The following NIBAN1 variants were observed in gnomAD, a reference collection of about 807,000 sequenced individuals.
NIBAN1 encodes niban apoptosis regulator 1.
Under a neutral mutation model 75.1 loss-of-function variants are expected in NIBAN1, and 81 were observed. The observed-to-expected ratio is 1.08, with a 90% CI of 0.90 to 1.30. The LOEUF is 1.30. NIBAN1 is among the 50% of genes most tolerant of loss of function. The pLI is 0.00. For synonymous variants in NIBAN1, 436 were observed against 424.8 expected (o/e 1.03, Z -0.32); for missense variants, 1,133 against 1,128.1 (o/e 1.00, Z -0.06).
chr1:184,799,939 G>A (rs1283597093), intron 12 of NIBAN1, among the ~76,000 whole-genome samples: 2 of 97,982 alleles, frequency 2.0e-5, no homozygotes, highest in Admixed American at 9.4e-5. Context: ...TAGAGACGGG[G>A]TTTCACCGTG....
chr1:184,963,505 C>G (rs1439455527), intron 1 of NIBAN1, among the ~76,000 whole-genome samples: 1 of 151,966 alleles, frequency 6.6e-6, no homozygotes, highest in African/African-American at 2.4e-5. Context: ...TACATGCACA[C>G]AAAAAATCAG....
chr1:184,874,919 C>G (rs1656194799), intron 5 of NIBAN1, among the ~76,000 whole-genome samples: 1 of 151,920 alleles, frequency 6.6e-6, no homozygotes, highest in Admixed American at 6.6e-5. Context: ...AAAAATTGAC[C>G]ATATGCAGGG....
At chr1:184,883,205 G>A (rs1412848121) in intron 5 of NIBAN1, among the ~76,000 whole-genome samples, 1 of 152,170 alleles carries the variant, frequency 6.6e-6, no homozygotes, top group East Asian at 1.9e-4. Context: ...CAGCTCAAAT[G>A]TCACCTGCTC....
chr1:184,857,927 T>TAA (rs913540852), intron 5 of NIBAN1, among the ~76,000 whole-genome samples: 1 of 147,550 alleles, frequency 6.8e-6, no homozygotes, highest in African/African-American at 2.5e-5. Flanking sequence ...ACTCAAATGT[T>TAA]AAAAAAAAAA....
intron 4 of NIBAN1, among the ~76,000 whole-genome samples, chr1:184,885,917 A>G (rs981279941): frequency 6.6e-6 from 1 of 151,754 alleles, no homozygotes; most frequent in Non-Finnish European, 1.5e-5. Context: ...TTTCTTCTTT[A>G]TCACCTTTAT....
At chr1:184,949,029 T>C (rs1209512406) in intron 1 of NIBAN1, among the ~76,000 whole-genome samples, 1 of 152,168 alleles carries the variant, frequency 6.6e-6, no homozygotes, top group Non-Finnish European at 1.5e-5. Context: ...CTAAAATCTT[T>C]TGGATTTATC....
intron 10 of NIBAN1, 59 bp from the exon 11 acceptor site, chr1:184,806,115 C>T (rs1654191702): frequency 1.4e-6 from 2 of 1,421,100 alleles, no homozygotes; most frequent in African/African-American, 2.8e-5. Context: ...TCACCACCCA[C>T]AGGCCTGGCT....
chr1:184,924,111 G>A (rs1433146348), intron 1 of NIBAN1, among the ~76,000 whole-genome samples: 1 of 152,072 alleles, frequency 6.6e-6, no homozygotes, highest in East Asian at 1.9e-4. Context: ...CCAGTACTAT[G>A]TTGAGTAACA....
intron 5 of NIBAN1, among the ~76,000 whole-genome samples, chr1:184,881,363 A>G (rs1161439470): frequency 6.6e-6 from 1 of 152,098 alleles, no homozygotes; most frequent in East Asian, 1.9e-4. Context: ...TGAACATGAA[A>G]ATGTAGCCAA....
Position 184,967,428 on chromosome 1 carries a change from TA to T in NIBAN1, c.55+6873del, listed in dbSNP as rs200563363. ...ATTTCTTAGAGTTACCCAGCTATAC[TA>T]AAAAAAATTAAAATTTCTGATTAGG... On this transcript the variant is annotated intron_variant, in intron 1 of 13. Transcript: ENST00000367511. 5.5e-3 allele frequency among the ~76,000 whole-genome samples: 832 copies of T among 152,094 alleles called. 9 individuals carry two copies. Among genetic ancestry groups the T allele is most frequent in the South Asian group, 0.02 (96 of 4,818 alleles).
intron 13 of NIBAN1, among the ~76,000 whole-genome samples, chr1:184,797,330 T>TTTTA: frequency 6.6e-6 from 1 of 152,046 alleles, no homozygotes; most frequent in Middle Eastern, 3.4e-3. Flanking sequence ...TTAGTAGAGA[T>TTTTA]GGAGTTTCAC....
intron 1 of NIBAN1, among the ~76,000 whole-genome samples, chr1:184,952,411 A>C (rs571620229): frequency 1.3e-5 from 2 of 152,232 alleles, no homozygotes; most frequent in Non-Finnish European, 2.9e-5. Flanking sequence ...AAAAAAAGAA[A>C]AAGAAAAAGA....
intron 1 of NIBAN1, among the ~76,000 whole-genome samples, chr1:184,965,126 C>G (rs912976826): frequency 1.3e-5 from 2 of 152,048 alleles, no homozygotes; most frequent in Non-Finnish European, 2.9e-5. Context: ...GGTGAAACCC[C>G]GTCTCTACTA....
chr1:184,936,497 C>T (rs1657965290), intron 1 of NIBAN1, among the ~76,000 whole-genome samples: 1 of 152,214 alleles, frequency 6.6e-6, no homozygotes, highest in South Asian at 2.1e-4. Flanking sequence ...CAGAAACTTC[C>T]TCTGCAGTCC....
intron 1 of NIBAN1, among the ~76,000 whole-genome samples, chr1:184,972,208 T>C (rs900854790): frequency 1.3e-5 from 2 of 152,266 alleles, no homozygotes; most frequent in East Asian, 3.8e-4. Flanking sequence ...ATTTCACTGA[T>C]GGCTACTTTA....
At chr1:184,920,198 G>A (rs919565904) in intron 1 of NIBAN1, among the ~76,000 whole-genome samples, 34 of 152,068 alleles carry the variant, frequency 2.2e-4, no homozygotes, top group African/African-American at 7.2e-4. Flanking sequence ...CTAAATTATC[G>A]GAAAGATATG....
intron 1 of NIBAN1, among the ~76,000 whole-genome samples, chr1:184,916,166 T>TA (rs1657377958): frequency 6.6e-6 from 1 of 152,168 alleles, no homozygotes; most frequent in Non-Finnish European, 1.5e-5. Flanking sequence ...AATATGCAAA[T>TA]AAATGTGTCT....
rs1282168534 is a variant in NIBAN1 at position 184,942,627 on chromosome 1, G to C, written c.55+31675C>G. Among the ~76,000 whole-genome samples the C allele has an allele frequency of 3.7e-4, 56 of 151,094 alleles. 1 individual carries two copies. Among genetic ancestry groups the C allele is most frequent in the Admixed American group, 3.7e-3 (56 of 15,118 alleles). ...GAGAATGGCGTGAACCCGGGAGGCG[G>C]AGCTTGCACTGAGCCCAGATTGCCC... On this transcript the variant is annotated intron_variant, in intron 1 of 13. Coordinates refer to ENST00000367511, the MANE Select transcript of NIBAN1 (RefSeq NM_052966.4).
intron 9 of NIBAN1, among the ~76,000 whole-genome samples, chr1:184,815,936 G>C (rs978435989): frequency 6.6e-6 from 1 of 152,264 alleles, no homozygotes; most frequent in Middle Eastern, 3.4e-3. Context: ...TACTTTAAAG[G>C]CTGTCGTTAC....
Sources: gnomAD v4.1 joint callset for allele counts (sites outside exome capture counted in the v4.1 genomes callset) on GRCh38, gnomAD v4.1.1 for gene constraint, MANE v1.5 for transcripts, NCBI Gene and HGNC (gene_info 2026-07-23, HGNC 2026-07-21) for gene names.